Variants in SYT6 observed in about 807,000 individuals in gnomAD.
SYT6 encodes synaptotagmin-6.
In SYT6, 24 loss-of-function variants were observed where a neutral mutation model predicts 38.4. That is an observed-to-expected ratio of 0.62 (90% CI 0.45 to 0.88). SYT6 has a LOEUF of 0.88. SYT6 is among the 40% of genes least tolerant of loss of function. The probability of loss-of-function intolerance (pLI) is 0.00; values close to 1 mark genes in which losing one functional copy is unlikely to be tolerated. For synonymous variants in SYT6, 265 were observed against 241.9 expected (o/e 1.10, Z -0.89); for missense variants, 611 against 621.0 (o/e 0.98, Z 0.17).
At chr1:114,149,277 G>A (rs1380961471) in intron 1 of SYT6, among the ~76,000 whole-genome samples, 4 of 70,900 alleles carry the variant, frequency 5.6e-5, no homozygotes, top group African/African-American at 1.7e-4. Context: ...AGGCTCAGAC[G>A]TGGCCCATTA....
chr1:114,123,462 C>G (rs768450393), intron 3 of SYT6, among the ~76,000 whole-genome samples: 7 of 152,200 alleles, frequency 4.6e-5, no homozygotes, highest in Non-Finnish European at 2.9e-5. Context: ...GTCCTCTCCC[C>G]TCTCCTTCTA....
chr1:114,147,626 A>G (rs1399645288), intron 1 of SYT6, among the ~76,000 whole-genome samples: 1 of 152,216 alleles, frequency 6.6e-6, no homozygotes, highest in Non-Finnish European at 1.5e-5. Flanking sequence ...CAGACACAGG[A>G]TGGACATCTC....
chr1:114,148,668 CATTT>C (rs67439650), intron 1 of SYT6, among the ~76,000 whole-genome samples: 4,246 of 150,610 alleles, frequency 0.028, 96 homozygotes, highest in South Asian at 0.071. Context: ...CTAATAATAT[CATTT>C]ATTTATTTAT....
chr1:114,104,635 G>T (rs930901006), intron 3 of SYT6, among the ~76,000 whole-genome samples: 4 of 151,850 alleles, frequency 2.6e-5, no homozygotes, highest in African/African-American at 9.7e-5. Context: ...GGAGGAAGAG[G>T]TCAGCGTTTA....
At chr1:114,111,729 G>GTGGA (rs1454610336) in intron 3 of SYT6, among the ~76,000 whole-genome samples, 1 of 151,686 alleles carries the variant, frequency 6.6e-6, no homozygotes, top group Admixed American at 6.6e-5. Context: ...GGACTTCCGA[G>GTGGA]AGGAACCCGG....
rs17032312 is a variant in SYT6 at position 114,105,755 on chromosome 1, C to T, written c.1072-2034G>A. 9.0e-3 allele frequency among the ~76,000 whole-genome samples: 1,376 copies of T among 152,308 alleles called. 23 individuals carry two copies. Among genetic ancestry groups the T allele is most frequent in the African/African-American group, 0.031 (1,290 of 41,556 alleles). On this transcript the variant is annotated intron_variant, in intron 3 of 7. Transcript: ENST00000610222. ...ACAAGCCTTGCCAGCTGCTTGGACT[C>T]GTGACTCTCGAGAGAGTGGTCCTTG...
intron 1 of SYT6, among the ~76,000 whole-genome samples, chr1:114,146,666 AAG>A (rs1679172622): frequency 6.6e-6 from 1 of 152,176 alleles, no homozygotes; most frequent in Admixed American, 6.5e-5. Context: ...AGCACTGAAA[AAG>A]AGAAAGTACC....
rs1675172967 is a variant in SYT6 at position 114,089,481 on chromosome 1, T to G, written c.*2653A>C. ...CTGCTAAATAAAGGAGAAGGGAACT[T>G]TTCATGTTTTTTAAAAAAACCTATG... is the stretch of plus-strand genomic sequence containing the variant. On this transcript the variant is annotated 3_prime_UTR_variant, in exon 8 of 8. Transcript: ENST00000610222. 1.3e-5 allele frequency: 2 copies of G among 152,434 alleles called. No individual in the cohort carries two copies. Among genetic ancestry groups the G allele is most frequent in the Non-Finnish European group, 2.9e-5 (2 of 68,032 alleles). The allele number at this position is 152,434 out of a possible 1,614,324, so 9.4% of individuals were successfully genotyped here.
chr1:114,124,124 A>G (rs1218003844), intron 3 of SYT6, among the ~76,000 whole-genome samples: 1 of 152,194 alleles, frequency 6.6e-6, no homozygotes, highest in African/African-American at 2.4e-5. Flanking sequence ...CTCTCTGCAT[A>G]TATAGGAAAA....
Position 114,099,119 on chromosome 1 carries a change from G to A in SYT6, c.1339C>T (p.Leu447Phe), listed in dbSNP as rs757994972. The change falls in exon 5 of 8, where the codon CTC (leucine) becomes TTC (phenylalanine). Residue 447 changes from leucine (L) to phenylalanine (F), a missense_variant. Leu to Phe is a conservative substitution (Grantham distance 22, BLOSUM62 0). Coordinates refer to ENST00000610222, the MANE Select transcript of SYT6 (RefSeq NM_001253772.2). The part of the protein sequence containing the change: ...PPENMDQVSL[L>F]ISVMDYDRVG... The stretch of plus-strand genomic sequence containing the variant: ...CGATCATAGTCCATGACTGAGATGA[G>A]CAGGCTGACTTGATCCATGTTTTCC... The A allele has an allele frequency of 5.0e-6, 8 of 1,613,802 alleles. No individual in the cohort carries two copies. The highest frequency in any genetic ancestry group is 6.8e-6 in the Non-Finnish European group (8 of 1,179,802).
intron 1 of SYT6, among the ~76,000 whole-genome samples, chr1:114,151,717 G>T (rs572855185): frequency 1.3e-5 from 2 of 152,166 alleles, no homozygotes; most frequent in African/African-American, 2.4e-5. Flanking sequence ...TGGAAAAGAC[G>T]GAAGGGAGCT....
At chr1:114,098,877 C>T (rs1049822237) in intron 5 of SYT6, among the ~76,000 whole-genome samples, 5 of 152,190 alleles carry the variant, frequency 3.3e-5, no homozygotes, top group Admixed American at 6.5e-5. Context: ...CTGCCCCTGA[C>T]GGAGATAGGC....
intron 3 of SYT6, among the ~76,000 whole-genome samples, chr1:114,126,866 C>T (rs1336014198): frequency 6.6e-6 from 1 of 152,164 alleles, no homozygotes; most frequent in African/African-American, 2.4e-5. Context: ...GAGAGCCGTA[C>T]CCTACAGGAA....
intron 3 of SYT6, among the ~76,000 whole-genome samples, chr1:114,129,799 T>C (rs1189842817): frequency 6.6e-6 from 1 of 150,900 alleles, no homozygotes; most frequent in Non-Finnish European, 1.5e-5. Flanking sequence ...CACCTCAGCC[T>C]CTGAGTTGCT....
At chr1:114,104,118 A>C (rs1295318579) in intron 3 of SYT6, among the ~76,000 whole-genome samples, 1 of 152,092 alleles carries the variant, frequency 6.6e-6, no homozygotes. Flanking sequence ...CTTCCTGCCC[A>C]TCCAGGCATG....
Position 114,090,080 on chromosome 1 carries a change from C to T in SYT6, c.*2054G>A, listed in dbSNP as rs1675212081. 1 of 152,358 alleles carries T rather than the reference C, an allele frequency of 6.6e-6. No individual in the cohort carries two copies. Among genetic ancestry groups the T allele is most frequent in the African/African-American group, 2.4e-5 (1 of 41,448 alleles). The allele number at this position is 152,358 out of a possible 1,614,324, so 9.4% of individuals were successfully genotyped here. On this transcript the variant is annotated 3_prime_UTR_variant, in exon 8 of 8. Coordinates refer to ENST00000610222, the MANE Select transcript of SYT6 (RefSeq NM_001253772.2). Reference sequence around the variant, plus strand: ...ACCTTCTCACACTAATTTCTGGACTCCTTATGACCCAGGGAACTCAGTTGT... The same window carrying T: ...ACCTTCTCACACTAATTTCTGGACTTCTTATGACCCAGGGAACTCAGTTGT...
intron 1 of SYT6, chr1:114,153,130 G>T (rs1193223821): frequency 6.5e-6 from 1 of 153,306 alleles, no homozygotes; most frequent in African/African-American, 2.4e-5. Context: ...GAGACTGGGG[G>T]TCCGCCCGCG....
intron 3 of SYT6, among the ~76,000 whole-genome samples, chr1:114,122,622 C>T (rs957895982): frequency 2.0e-5 from 3 of 152,120 alleles, no homozygotes; most frequent in African/African-American, 7.2e-5. Flanking sequence ...TTGCAGGAGG[C>T]AGAGAGGAGC....
At position 114,110,403 on chromosome 1, in the gene SYT6, C is replaced by T. The variant is rs897081134; in HGVS notation, c.1072-6682G>A. Reference sequence around the variant, plus strand: ...TGACCAAGGGTAGTGAGTGGGTGTGCGGCCGCTTTATTCATAGTGGTCCTG... The same window carrying T: ...TGACCAAGGGTAGTGAGTGGGTGTGTGGCCGCTTTATTCATAGTGGTCCTG... On this transcript the variant is annotated intron_variant, in intron 3 of 7. Coordinates refer to ENST00000610222, the MANE Select transcript of SYT6 (RefSeq NM_001253772.2). Among the ~76,000 whole-genome samples the T allele has an allele frequency of 5.3e-5, 8 of 152,242 alleles. No homozygotes were observed. In the East Asian group the frequency reaches 9.6e-4, roughly 18 times the overall value.
Sources: allele counts gnomAD v4.1 joint callset (sites outside exome capture counted in the v4.1 genomes callset), GRCh38; gene constraint gnomAD v4.1.1; transcripts MANE v1.5; gene names NCBI Gene and HGNC (gene_info 2026-07-23, HGNC 2026-07-21).